Variants in SPHKAP observed in about 807,000 individuals in gnomAD.
SPHKAP encodes the protein SPHK1 interactor, AKAP domain containing, also known as A-kinase anchor protein SPHKAP.
A neutral mutation model predicts 137.5 loss-of-function variants in SPHKAP; 67 were observed. The observed-to-expected ratio is 0.49, with a 90% CI of 0.40 to 0.60. The LOEUF (loss-of-function observed/expected upper bound fraction) is 0.60. Among genes scored for constraint, SPHKAP ranks in the 20% least tolerant of loss-of-function variants. The pLI is 0.00. For synonymous variants in SPHKAP, 813 were observed against 785.3 expected, an observed-to-expected ratio of 1.04 and a Z score of -0.59; for missense variants, 2,097 against 2,069.3, an observed-to-expected ratio of 1.01 and a Z score of -0.26.
At chr2:228,060,450 A>T (rs775504209) in intron 3 of SPHKAP, among the ~76,000 whole-genome samples, 8 of 152,224 alleles carry the variant, frequency 5.3e-5, no homozygotes, top group Non-Finnish European at 1.2e-4. Flanking sequence ...TGGAAATGAG[A>T]AAACAGAAAT....
At chr2:228,012,279 TTGCTTGTCTTCC>T (rs888947749) in intron 7 of SPHKAP, among the ~76,000 whole-genome samples, 8 of 151,830 alleles carry the variant, frequency 5.3e-5, no homozygotes, top group African/African-American at 1.9e-4. Flanking sequence ...CTTGTCTTCC[TTGCTTGTCTTCC>T]TTTAAAAAAA....
chr2:228,035,127 A>G (rs1373423635), intron 3 of SPHKAP, among the ~76,000 whole-genome samples: 3 of 147,142 alleles, frequency 2.0e-5, no homozygotes, highest in Non-Finnish European at 1.5e-5. Context: ...TATATCTAGA[A>G]AACCCCATTG....
intron 3 of SPHKAP, among the ~76,000 whole-genome samples, chr2:228,067,410 T>C (rs1696862300): frequency 6.6e-6 from 1 of 152,254 alleles, no homozygotes. Flanking sequence ...CTACCTATAC[T>C]GAGCTAGGAA....
At chr2:228,139,329 A>G (rs547528853) in intron 1 of SPHKAP, among the ~76,000 whole-genome samples, 1 of 152,292 alleles carries the variant, frequency 6.6e-6, no homozygotes, top group African/African-American at 2.4e-5. Context: ...GTAAAATGTG[A>G]AATCTCTTCT....
chr2:228,104,152 G>T (rs949567852), intron 3 of SPHKAP, among the ~76,000 whole-genome samples: 1 of 148,688 alleles, frequency 6.7e-6, no homozygotes, highest in South Asian at 2.1e-4. Context: ...ATAACTATCT[G>T]CACTAGGTAA....
intron 2 of SPHKAP, among the ~76,000 whole-genome samples, chr2:228,130,085 C>T (rs571079189): frequency 4.8e-4 from 73 of 152,188 alleles, no homozygotes; most frequent in African/African-American, 1.7e-3. Context: ...CATGAGCGAC[C>T]GTGCCCAGCA....
At chr2:228,139,027 A>C (rs1309336024) in intron 1 of SPHKAP, among the ~76,000 whole-genome samples, 1 of 152,188 alleles carries the variant, frequency 6.6e-6, no homozygotes, top group African/African-American at 2.4e-5. Flanking sequence ...ATTCATTATT[A>C]ATCATAAAAC....
chr2:228,034,077 TAATG>T (rs1695470142), intron 3 of SPHKAP, among the ~76,000 whole-genome samples: 1 of 151,962 alleles, frequency 6.6e-6, no homozygotes, highest in South Asian at 2.1e-4. Context: ...TTCAAAAAAT[TAATG>T]AATCCAGGAG....
chr2:228,026,669 T>C (rs1246641139), intron 4 of SPHKAP, among the ~76,000 whole-genome samples: 1 of 152,252 alleles, frequency 6.6e-6, no homozygotes, highest in East Asian at 1.9e-4. Flanking sequence ...TACAATTGTA[T>C]GTGTAATTTC....
chr2:228,052,607 G>A (rs557241534), intron 3 of SPHKAP, among the ~76,000 whole-genome samples: 13 of 152,228 alleles, frequency 8.5e-5, no homozygotes, highest in African/African-American at 2.6e-4. Flanking sequence ...TCAATCAAAA[G>A]TGAGGGTTAG....
At chr2:228,155,895 A>G (rs566345942) in intron 1 of SPHKAP, among the ~76,000 whole-genome samples, 1 of 152,374 alleles carries the variant, frequency 6.6e-6, no homozygotes, top group South Asian at 2.1e-4. Flanking sequence ...AAGAGGACAA[A>G]GCAAAATCTC....
chr2:228,108,410 T>C (rs777406003), intron 3 of SPHKAP, among the ~76,000 whole-genome samples: 6 of 152,028 alleles, frequency 3.9e-5, no homozygotes, highest in Non-Finnish European at 8.8e-5. Context: ...TTTTTCAAGG[T>C]TTTCAAATAA....
intron 1 of SPHKAP, among the ~76,000 whole-genome samples, chr2:228,166,680 T>C (rs1272559835): frequency 1.3e-5 from 2 of 152,232 alleles, no homozygotes; most frequent in Admixed American, 1.3e-4. Context: ...AATGTTATCA[T>C]TAATATTTTC....
chr2:228,108,771 G>C, intron 3 of SPHKAP, 61 bp downstream of exon 3: 3 of 1,160,066 alleles, frequency 2.6e-6, no homozygotes, highest in Non-Finnish European at 3.8e-6. Flanking sequence ...TCCTAAACAT[G>C]GGTACATGTG....
intron 3 of SPHKAP, among the ~76,000 whole-genome samples, chr2:228,100,613 T>C (rs1233679861): frequency 7.4e-6 from 1 of 135,984 alleles, no homozygotes; most frequent in East Asian, 2.3e-4. Context: ...TATGGTTTTC[T>C]TTTTAATTCT....
intron 2 of SPHKAP, chr2:228,131,698 A>G: frequency 1.4e-6 from 1 of 712,154 alleles, no homozygotes; most frequent in South Asian, 6.2e-5. Flanking sequence ...GATGCAAGAA[A>G]CTGTTATTCA....
chr2:227,993,312 C>A (rs1425115090), intron 9 of SPHKAP, among the ~76,000 whole-genome samples: 1 of 152,152 alleles, frequency 6.6e-6, no homozygotes, highest in East Asian at 1.9e-4. Context: ...TAAGTTTTAT[C>A]TGAAATGATT....
intron 3 of SPHKAP, among the ~76,000 whole-genome samples, chr2:228,076,999 G>C (rs534986008): frequency 7.5e-4 from 114 of 152,286 alleles, no homozygotes; most frequent in African/African-American, 2.6e-3. Context: ...CATCCCAGCT[G>C]CTCTAGCTGT....
chr2:228,146,087 C>CT (rs1055788719), intron 1 of SPHKAP, among the ~76,000 whole-genome samples: 10 of 151,766 alleles, frequency 6.6e-5, no homozygotes, highest in African/African-American at 1.5e-4. Context: ...GTTTGGTTTT[C>CT]TTTTTTTTCA....
Sources: gnomAD v4.1 joint callset for allele counts (sites outside exome capture counted in the v4.1 genomes callset) on GRCh38, gnomAD v4.1.1 for gene constraint, MANE v1.5 for transcripts, NCBI Gene and HGNC (gene_info 2026-07-23, HGNC 2026-07-21) for gene names.